Variants in LAMC1 observed in about 807,000 individuals in gnomAD.
LAMC1 encodes laminin subunit gamma 1, also known as laminin subunit gamma-1.
Under a neutral mutation model 173.6 loss-of-function variants are expected in LAMC1, and 38 were observed. The ratio of observed to expected loss-of-function variants is 0.22; its 90% CI spans 0.17 to 0.29. LAMC1 has a LOEUF of 0.29. Ranked by LOEUF, LAMC1 falls within the 10% of genes least tolerant of loss-of-function variation. The pLI, the probability that LAMC1 is intolerant of heterozygous loss-of-function variation, is 1.00. For synonymous variants in LAMC1, 746 were observed against 749.1 expected (o/e 1.00, Z 0.07); for missense variants, 1,824 against 2,051.8 (o/e 0.89, Z 2.14).
intron 1 of LAMC1, among the ~76,000 whole-genome samples, chr1:183,070,778 C>T (rs1443017427): frequency 6.6e-6 from 1 of 151,936 alleles, no homozygotes; most frequent in African/African-American, 2.4e-5. Context: ...ATGTCAACCT[C>T]GGCAAATTTC....
rs760201050 is a variant in LAMC1 at position 183,121,860 on chromosome 1, A to G, written c.2128A>G (p.Arg710Gly). Residue 710 changes from arginine (R) to glycine (G), a missense_variant, in exon 12 of 28, where the codon AGA (arginine) becomes GGA (glycine). Arg to Gly is a moderately radical substitution (Grantham distance 125). Transcript: ENST00000258341. The stretch of plus-strand genomic sequence containing the variant: ...TGAGATGTGCCTCTCAGGTTACAGA[A>G]GAGAAACTCCTAATCTTGGACCATA... ...FCEMCLSGYR[R>G]ETPNLGPYSP... is the part of the protein sequence containing the mutation. 6.2e-7 allele frequency: 1 copy of G among 1,614,052 alleles called. No individual in the cohort carries two copies. The highest frequency in any genetic ancestry group is 8.5e-7 in the Non-Finnish European group (1 of 1,179,902).
intron 26 of LAMC1, among the ~76,000 whole-genome samples, chr1:183,139,189 G>C (rs1571468697): frequency 6.6e-6 from 1 of 152,238 alleles, no homozygotes; most frequent in East Asian, 1.9e-4. Flanking sequence ...CTTCAAAAAA[G>C]GGTTTTGGTT....
chr1:183,087,837 G>A (rs1305732273), intron 1 of LAMC1, among the ~76,000 whole-genome samples: 1 of 150,964 alleles, frequency 6.6e-6, no homozygotes, highest in Non-Finnish European at 1.5e-5. Flanking sequence ...TTTTGAGACG[G>A]AGTTTTGCTC....
intron 11 of LAMC1, among the ~76,000 whole-genome samples, chr1:183,119,716 T>C (rs1571453486): frequency 6.6e-6 from 1 of 151,564 alleles, no homozygotes. Context: ...GCCTGGACAA[T>C]GAGTGTGACC....
chr1:183,136,266 C>T (rs1656937736), intron 24 of LAMC1, 120 bp from the exon 25 acceptor site: 4 of 793,370 alleles, frequency 5.0e-6, no homozygotes, highest in South Asian at 5.0e-5. Context: ...CCCATGCTCT[C>T]TTCCATTTTT....
chr1:183,137,954 G>A, intron 26 of LAMC1, 127 bp downstream of exon 26: 1 of 898,758 alleles, frequency 1.1e-6, no homozygotes, highest in Middle Eastern at 2.7e-4. Context: ...GTCTCGTCAA[G>A]AATTGGGTTA....
In LAMC1 at chr1:183,077,592, A is replaced by G. The variant is rs575084858; in HGVS notation, c.419-25736A>G. 1.8e-4 allele frequency among the ~76,000 whole-genome samples: 28 copies of G among 151,776 alleles called. No individual in the cohort carries two copies. In the East Asian group the frequency reaches 4.6e-3, roughly 25 times the overall value. On this transcript the variant is annotated intron_variant, in intron 1 of 27. Coordinates refer to ENST00000258341, the MANE Select transcript of LAMC1 (RefSeq NM_002293.4). ...CCATCAAGTCCTCAAAGTCTATTGT[A>G]TCTTTCTTAGGCTTTTGCATCCTCA...
intron 27 of LAMC1, 123 bp downstream of exon 27, chr1:183,140,626 T>C (rs1164312057): frequency 2.3e-6 from 1 of 433,490 alleles, no homozygotes; most frequent in Non-Finnish European, 4.0e-6. Flanking sequence ...TTTTAAGTCA[T>C]TAATTAAATT....
At chr1:183,026,878 C>G (rs1489794723) in intron 1 of LAMC1, among the ~76,000 whole-genome samples, 2 of 152,140 alleles carry the variant, frequency 1.3e-5, no homozygotes, top group African/African-American at 4.8e-5. Flanking sequence ...ATTGTAAATT[C>G]AAACAGTAAG....
intron 1 of LAMC1, among the ~76,000 whole-genome samples, chr1:183,054,501 T>C (rs11590958): frequency 0.34 from 51,232 of 152,048 alleles, 9,733 homozygotes; most frequent in East Asian, 0.49. Flanking sequence ...AGTATTCTAA[T>C]GGCAACGATA....
In LAMC1 at chr1:183,137,673, C is replaced by CCACCAG. The variant is rs1374351102; in HGVS notation, c.4325_4330dup (p.Ser1442_Thr1443dup). On this transcript the variant is annotated inframe_insertion, in exon 26 of 28. Transcript: ENST00000258341. ...ACAATTTTCTTTTGTGCCTAGAATG[C>CCACCAG]CACCAGCACCAAGGCAGAAGCTGAA... The CCACCAG allele has an allele frequency of 1.9e-6, 3 of 1,562,720 alleles. No homozygotes were observed. Among genetic ancestry groups the CCACCAG allele is most frequent in the Non-Finnish European group, 2.6e-6 (3 of 1,157,394 alleles).
chr1:183,090,931 T>C (rs957143479), intron 1 of LAMC1, among the ~76,000 whole-genome samples: 1 of 152,160 alleles, frequency 6.6e-6, no homozygotes, highest in African/African-American at 2.4e-5. Context: ...GTATAAGAGC[T>C]AAAGGTTATT....
chr1:183,080,944 G>A (rs956828230), intron 1 of LAMC1, among the ~76,000 whole-genome samples: 2 of 151,974 alleles, frequency 1.3e-5, no homozygotes, highest in African/African-American at 4.8e-5. Flanking sequence ...GGTGGAGTGC[G>A]CTGGCGCGAT....
chr1:183,057,839 C>T (rs1372283325), intron 1 of LAMC1, among the ~76,000 whole-genome samples: 1 of 152,096 alleles, frequency 6.6e-6, no homozygotes, highest in Admixed American at 6.5e-5. Flanking sequence ...ATATCATGCT[C>T]ATTTAATCTC....
intron 4 of LAMC1, among the ~76,000 whole-genome samples, chr1:183,112,059 A>C (rs10911251): frequency 0.38 from 56,984 of 151,946 alleles, 11,578 homozygotes; most frequent in Middle Eastern, 0.5. Flanking sequence ...AACAAACAAA[A>C]AAATTATTGG....
Position 183,125,490 on chromosome 1 carries a change from A to C in LAMC1, c.2741A>C (p.Gln914Pro). ...GAATGTTTGCCTCACGTGACTGGCC[A>C]GGACTGTGGTGCTTGTGACCCTGGA... is the stretch of plus-strand genomic sequence containing the variant. ...QCECLPHVTGQDCGACDPGFY... is the reference protein window; with the variant it reads ...QCECLPHVTGPDCGACDPGFY... Residue 914 changes from glutamine to proline, a missense_variant, in exon 15 of 28, where the codon CAG becomes CCG. By Grantham distance (76) the Gln-to-Pro change is moderately conservative. Transcript: ENST00000258341. The C allele has an allele frequency of 6.2e-7, 1 of 1,613,942 alleles. No homozygotes were observed. The highest frequency in any genetic ancestry group is 1.1e-5 in the South Asian group (1 of 91,048).
rs1250591108 is a variant in LAMC1, at chr1:183,110,489, T to C, written c.856T>C (p.Cys286Arg). 1.2e-6 allele frequency: 2 copies of C among 1,608,944 alleles called. No individual in the cohort carries two copies. The highest frequency in any genetic ancestry group is 1.7e-6 in the Non-Finnish European group (2 of 1,176,570). Residue 286 changes from cysteine (C) to arginine (R), a missense_variant and splice_region_variant, in exon 4 of 28, where the codon TGT (cysteine) becomes CGT (arginine). Coordinates refer to ENST00000258341, the MANE Select transcript of LAMC1 (RefSeq NM_002293.4). ...TTGGAGTATCTCTTCTCTCCCCAGA[T>C]GTAAATGTAATGGACACGCAAGCGA... Reference protein sequence around the residue: ...AISDFAVGGRCKCNGHASECM... With the variant: ...AISDFAVGGRRKCNGHASECM...
intron 1 of LAMC1, among the ~76,000 whole-genome samples, chr1:183,082,433 A>T (rs1295852960): frequency 3.3e-5 from 5 of 152,208 alleles, no homozygotes; most frequent in Non-Finnish European, 5.9e-5. Context: ...TGTATTTTTG[A>T]TGATTTCCTT....
chr1:183,065,943 G>A (rs1654863087), intron 1 of LAMC1, among the ~76,000 whole-genome samples: 1 of 152,126 alleles, frequency 6.6e-6, no homozygotes, highest in Admixed American at 6.5e-5. Flanking sequence ...AATAAAATAA[G>A]GTATTACTTT....
Sources: allele counts gnomAD v4.1 joint callset (sites outside exome capture counted in the v4.1 genomes callset), GRCh38; gene constraint gnomAD v4.1.1; transcripts MANE v1.5; gene names NCBI Gene and HGNC (gene_info 2026-07-23, HGNC 2026-07-21).